Variants in DHX38 observed in about 807,000 individuals in gnomAD.
The protein encoded by DHX38 is pre-mRNA-splicing factor ATP-dependent RNA helicase PRP16.
DHX38 carries 100 observed loss-of-function variants against 153.1 expected under a neutral mutation model. The observed-to-expected ratio is 0.65, with a 90% CI of 0.56 to 0.77. The LOEUF is 0.77. Ranked by LOEUF, DHX38 falls within the 30% of genes least tolerant of loss-of-function variation. The pLI, the probability that DHX38 is intolerant of heterozygous loss-of-function variation, is 0.00. For missense variants in DHX38, 1,440 were observed against 1,654.0 expected (o/e 0.87, Z 2.24); for synonymous variants, 650 against 631.7 (o/e 1.03, Z -0.43).
At chr16:72,098,818 G>T in intron 5 of DHX38, 26 bp downstream of exon 5, 3 of 1,613,338 alleles carry the variant, frequency 1.9e-6, no homozygotes, top group Non-Finnish European at 2.5e-6. Flanking sequence ...GAGCAGCCCA[G>T]TTTCGCTGGG....
At chr16:72,101,674 G>T (rs2042103644) in intron 11 of DHX38, 62 bp downstream of exon 11, 1 of 1,402,044 alleles carries the variant, frequency 7.1e-7, no homozygotes, top group Non-Finnish European at 9.9e-7. Flanking sequence ...CATGTGGGCA[G>T]TTGCGGCAGA....
Position 72,103,629 on chromosome 16 carries a change from G to A in DHX38, c.1665G>A (p.Gly555=), listed in dbSNP as rs2144153910. 1 of 1,611,502 alleles carries A rather than the reference G, an allele frequency of 6.2e-7. No homozygotes were observed. Among genetic ancestry groups the A allele is most frequent in the East Asian group, 2.2e-5 (1 of 44,794 alleles). ...IRDNSIVIVV[G]ETGSGKTTQL... ...ACAACAGCATCGTGATCGTGGTTGGGGAGACGGGGAGTGGTAAGACCACTC... is the reference window on the plus strand; with the variant it reads ...ACAACAGCATCGTGATCGTGGTTGGAGAGACGGGGAGTGGTAAGACCACTC... The change falls in exon 13 of 27, where the codon GGG becomes GGA. Residue 555 remains glycine (G), a synonymous_variant. Coordinates refer to ENST00000268482, the MANE Select transcript of DHX38 (RefSeq NM_014003.4).
Position 72,112,418 on chromosome 16 carries a change from C to T in DHX38, c.3605C>T (p.Thr1202Met), listed in dbSNP as rs564071619. 2.0e-5 allele frequency: 32 copies of T among 1,608,820 alleles called. No homozygotes were observed. Among genetic ancestry groups the T allele is most frequent in the East Asian group, 8.9e-5 (4 of 44,846 alleles). The change falls in exon 27 of 27, where the codon ACG becomes ATG. Residue 1202 changes from threonine to methionine, a missense_variant. Thr to Met is a moderately conservative substitution (Grantham distance 81). This residue lies in a region of DHX38 where 75 missense variants were observed against 69.5 expected (regional missense o/e 1.08). Coordinates refer to ENST00000268482, the MANE Select transcript of DHX38 (RefSeq NM_014003.4). ...KRSPLGSVRS[T>M]KIYTPGRKEQ... ...CTCTCCTGCTGTGTCTCCAGGTCTA[C>T]GAAGATCTACACTCCAGGCCGGAAA... is the stretch of plus-strand genomic sequence containing the variant.
intron 4 of DHX38, 30 bp from the exon 5 acceptor site, chr16:72,098,615 T>C (rs1243681984): frequency 6.2e-6 from 10 of 1,610,368 alleles, no homozygotes; most frequent in Non-Finnish European, 8.5e-6. Context: ...AAGTGAGATG[T>C]TTCCTGTGGA....
intron 1 of DHX38, 71 bp downstream of exon 1, chr16:72,094,122 C>G (rs2041968642): frequency 1.3e-5 from 2 of 152,634 alleles, no homozygotes; most frequent in South Asian, 4.1e-4. Flanking sequence ...GGATATTGGT[C>G]CCCTGCTCAG....
rs773628258 is a variant in DHX38, at chr16:72,101,198, G to C, written c.1386+5G>C. The stretch of plus-strand genomic sequence containing the variant: ...GAGCAGAAGGAGCGCAAGAAGGTTG[G>C]TTTCTTGGTTTCGTGGCTGGGAAGT... On this transcript the variant is annotated splice_donor_5th_base_variant and intron_variant, in intron 10 of 26. Coordinates refer to ENST00000268482, the MANE Select transcript of DHX38 (RefSeq NM_014003.4). 1.2e-5 allele frequency: 20 copies of C among 1,613,966 alleles called. No individual in the cohort carries two copies. The highest frequency in any genetic ancestry group is 1.5e-5 in the Non-Finnish European group (18 of 1,179,988).
Position 72,107,061 on chromosome 16 carries a change from C to T in DHX38, c.2601-279C>T, listed in dbSNP as rs188640733. ...GCGGATGCCTGTAGTCCCAGCTACT[C>T]GGGAGGCTGAGGCAGGAGAATCGCT... On this transcript the variant is annotated intron_variant, in intron 19 of 26. Coordinates refer to ENST00000268482, the MANE Select transcript of DHX38 (RefSeq NM_014003.4). The surrounding 1 kb of genome is among the most constrained non-coding windows in gnomAD (Gnocchi z 5.3). 4.6e-5 allele frequency among the ~76,000 whole-genome samples: 7 copies of T among 152,072 alleles called. No homozygotes were observed. Among genetic ancestry groups the T allele is most frequent in the Admixed American group, 1.3e-4 (2 of 15,270 alleles).
rs1467879095 is a variant in DHX38, at chr16:72,107,968, T to C, written c.2964+169T>C. 6.6e-6 allele frequency among the ~76,000 whole-genome samples: 1 copy of C among 152,220 alleles called. No individual in the cohort carries two copies. The highest frequency in any genetic ancestry group is 2.4e-5 in the African/African-American group (1 of 41,462). On this transcript the variant is annotated intron_variant, in intron 21 of 26. Coordinates refer to ENST00000268482, the MANE Select transcript of DHX38 (RefSeq NM_014003.4). The surrounding 1 kb of genome is among the most constrained non-coding windows in gnomAD (Gnocchi z 5.3). ...GGTTGGGGTAGGGGAAAGGAAGGGC[T>C]GGGCCAGTGGTTCTCAGGGAATGCT...
At chr16:72,111,939 C>T (rs994478340) in intron 26 of DHX38, among the ~76,000 whole-genome samples, 1 of 152,212 alleles carries the variant, frequency 6.6e-6, no homozygotes, top group Non-Finnish European at 1.5e-5. Flanking sequence ...GCCAGCCTGC[C>T]TTGAGTCATG....
intron 25 of DHX38, among the ~76,000 whole-genome samples, chr16:72,109,968 C>T (rs2042236201): frequency 6.6e-6 from 1 of 152,082 alleles, no homozygotes; most frequent in African/African-American, 2.4e-5. Flanking sequence ...ACCTCTGTGC[C>T]GTTATCACTC....
At chr16:72,100,784 G>A (rs1264739482) in intron 9 of DHX38, among the ~76,000 whole-genome samples, 187 bp downstream of exon 9, 1 of 152,174 alleles carries the variant, frequency 6.6e-6, no homozygotes, top group Non-Finnish European at 1.5e-5. Context: ...AAAATTAGCC[G>A]GGTGTGGTGG....
At position 72,107,536 on chromosome 16, in the gene DHX38, C is replaced by T. The variant is rs1421721234; in HGVS notation, c.2797C>T (p.Leu933=). 1.2e-6 allele frequency: 2 copies of T among 1,613,224 alleles called. No individual in the cohort carries two copies. Among genetic ancestry groups the T allele is most frequent in the East Asian group, 2.2e-5 (1 of 44,854 alleles). The change falls in exon 20 of 27, where the codon CTG becomes TTG. Residue 933 remains leucine (L), a synonymous_variant. Coordinates refer to ENST00000268482, the MANE Select transcript of DHX38 (RefSeq NM_014003.4). The surrounding 1 kb of genome is among the most constrained non-coding windows in gnomAD (Gnocchi z 5.3). ...GTATCAGCTCTGGATCCTCGGGGCC[C>T]TGGACAACACAGGTGAGGCGGCCCC... The part of the protein sequence containing the change: ...SMYQLWILGA[L]DNTGGLTSTG...
chr16:72,110,633 C>T lies in DHX38; in HGVS notation c.3478-323C>T, dbSNP rs575676818. On this transcript the variant is annotated intron_variant, in intron 25 of 26. Transcript: ENST00000268482. ...GCATCTTATGCCTGTCTCTTCCAGC[C>T]AGCAGGTAATCACATCTTCCCTGTT... 3.3e-5 allele frequency among the ~76,000 whole-genome samples: 5 copies of T among 152,342 alleles called. No individual in the cohort carries two copies. In the South Asian group the frequency reaches 1.0e-3, roughly 32 times the overall value.
At chr16:72,097,098 C>T (rs1000862160) in intron 3 of DHX38, 89 bp downstream of exon 3, 17 of 1,421,796 alleles carry the variant, frequency 1.2e-5, no homozygotes, top group Non-Finnish European at 1.6e-5. Context: ...TTGCAACACC[C>T]ATTTGTTAGG....
At chr16:72,110,477 T>C (rs368311356) in intron 25 of DHX38, among the ~76,000 whole-genome samples, 5 of 152,332 alleles carry the variant, frequency 3.3e-5, no homozygotes, top group South Asian at 2.1e-4. Context: ...AGGTTTCCAC[T>C]GCTCCTCCAT....
At chr16:72,103,463 C>G (rs2042127788) in intron 12 of DHX38, 139 bp from the exon 13 acceptor site, 1 of 1,026,476 alleles carries the variant, frequency 9.7e-7, no homozygotes, top group African/African-American at 1.6e-5. Context: ...GGCTGTTGTC[C>G]CAGTGAAATT....
Position 72,096,913 on chromosome 16 carries a change from C to T in DHX38, c.415C>T (p.Arg139Trp), listed in dbSNP as rs549408121. Residue 139 changes from arginine to tryptophan, a missense_variant, in exon 3 of 27, where the codon CGG (arginine) becomes TGG (tryptophan). Transcript: ENST00000268482. The part of the protein sequence containing the change: ...WERSRQRERE[R>W]REHGVYASSK... ...ACGCAGTCGGCAGAGAGAGCGGGAG[C>T]GGCGGGAACATGGTGTCTATGCCTC... 20 of 1,613,930 alleles carry T rather than the reference C, an allele frequency of 1.2e-5. No homozygotes were observed. The highest frequency in any genetic ancestry group is 9.3e-5 in the African/African-American group (7 of 74,974).
At chr16:72,097,927 A>G in intron 4 of DHX38, 146 bp downstream of exon 4, 1 of 792,318 alleles carries the variant, frequency 1.3e-6, no homozygotes, top group Non-Finnish European at 2.1e-6. Flanking sequence ...GTTCTGAGTC[A>G]GGTGGGCACA....
Position 72,104,926 on chromosome 16 carries a change from G to A in DHX38, c.2152-101G>A, listed in dbSNP as rs2042152905. 5.0e-6 allele frequency: 6 copies of A among 1,201,470 alleles called. No individual in the cohort carries two copies. The highest frequency in any genetic ancestry group is 2.3e-5 in the Admixed American group (1 of 43,126). 74.4% of individuals were successfully genotyped at this position (1,201,470 alleles called of 1,614,324 possible). On this transcript the variant is annotated intron_variant, in intron 15 of 26. Coordinates refer to ENST00000268482, the MANE Select transcript of DHX38 (RefSeq NM_014003.4). The surrounding 1 kb of genome is among the most constrained non-coding windows in gnomAD (Gnocchi z 4.5). ...AGGTGTGGTGGCCCTCAAAGTCCAT[G>A]GCTCCATTCCAGAGCAGTGCCTGGG... is the stretch of plus-strand genomic sequence containing the variant.
Sources: gnomAD v4.1 joint callset for allele counts (sites outside exome capture counted in the v4.1 genomes callset) on GRCh38, gnomAD v4.1.1 for gene constraint, gnomAD v4.1.1 regional missense constraint, Gnocchi (gnomAD v3.1) non-coding constraint, MANE v1.5 for transcripts, NCBI Gene and HGNC (gene_info 2026-07-23, HGNC 2026-07-21) for gene names.